Variants in DCC observed in about 807,000 individuals in gnomAD.
DCC encodes the protein netrin receptor DCC.
A neutral mutation model predicts 172.5 loss-of-function variants in DCC; 58 were observed. The ratio of observed to expected loss-of-function variants is 0.34; its 90% CI spans 0.27 to 0.42. The LOEUF is 0.42. DCC is among the 10% of genes least tolerant of loss of function. DCC has a pLI of 1.00. For missense variants in DCC, 1,740 were observed against 1,791.0 expected (o/e 0.97, Z 0.51); for synonymous variants, 709 against 644.5 (o/e 1.10, Z -1.52).
intron 27 of DCC, among the ~76,000 whole-genome samples, chr18:53,501,883 A>AGTT (rs936175401): frequency 3.8e-5 from 4 of 105,716 alleles, no homozygotes; most frequent in Non-Finnish European, 9.3e-5. Context: ...TTTTTTTACT[A>AGTT]GTTATTTTCT....
chr18:53,138,965 T>C (rs1894846490), intron 7 of DCC, among the ~76,000 whole-genome samples: 1 of 152,206 alleles, frequency 6.6e-6, no homozygotes, highest in East Asian at 1.9e-4. Context: ...ATATTCTCTG[T>C]GTTTGTACGT....
chr18:52,725,976 T>C (rs144574609), intron 1 of DCC, among the ~76,000 whole-genome samples: 377 of 152,294 alleles, frequency 2.5e-3, no homozygotes, highest in African/African-American at 8.3e-3. Flanking sequence ...GGAAACAGAA[T>C]GAACTGCTAA....
intron 1 of DCC, among the ~76,000 whole-genome samples, chr18:52,409,570 C>T (rs1275451680): frequency 6.6e-6 from 1 of 152,166 alleles, no homozygotes; most frequent in African/African-American, 2.4e-5. Flanking sequence ...TCCCAACTTA[C>T]ATGCCACTTG....
intron 5 of DCC, among the ~76,000 whole-genome samples, chr18:52,944,484 C>T (rs941642729): frequency 5.3e-5 from 8 of 152,116 alleles, no homozygotes; most frequent in Non-Finnish European, 1.0e-4. Context: ...CCAGAGAAGT[C>T]CCAGTTTTTC....
intron 28 of DCC, among the ~76,000 whole-genome samples, chr18:53,527,779 A>T (rs2046476181): frequency 6.6e-6 from 1 of 152,084 alleles, no homozygotes; most frequent in South Asian, 2.1e-4. Flanking sequence ...TTTATAGTAC[A>T]CTTTAGTTGT....
chr18:53,407,649 A>T (rs1201414972), intron 19 of DCC, among the ~76,000 whole-genome samples: 1 of 149,644 alleles, frequency 6.7e-6, no homozygotes. Context: ...TCTATAACAT[A>T]TTTATCTTAG....
At chr18:53,231,343 A>G (rs137994292) in intron 12 of DCC, among the ~76,000 whole-genome samples, 78 of 152,220 alleles carry the variant, frequency 5.1e-4, no homozygotes, top group African/African-American at 1.7e-3. Context: ...GAAAAGTCAT[A>G]AATGATCATA....
chr18:52,812,829 A>G (rs2038226666), intron 2 of DCC, among the ~76,000 whole-genome samples: 1 of 152,196 alleles, frequency 6.6e-6, no homozygotes. Context: ...CAACTACTGA[A>G]CACTGTTGGG....
chr18:53,131,909 C>G (rs952950939), intron 7 of DCC, among the ~76,000 whole-genome samples: 4 of 146,752 alleles, frequency 2.7e-5, no homozygotes, highest in African/African-American at 1.0e-4. Flanking sequence ...AATTTTACAG[C>G]CTATAATGGC....
At chr18:52,475,434 A>G (rs141574980) in intron 1 of DCC, among the ~76,000 whole-genome samples, 1 of 152,138 alleles carries the variant, frequency 6.6e-6, no homozygotes, top group African/African-American at 2.4e-5. Flanking sequence ...AAAAAATGTG[A>G]TATTTATTGC....
intron 7 of DCC, among the ~76,000 whole-genome samples, chr18:53,138,550 T>C (rs2043781532): frequency 6.6e-6 from 1 of 152,254 alleles, no homozygotes; most frequent in Non-Finnish European, 1.5e-5. Flanking sequence ...TTGTACAATA[T>C]ATCATTCTAC....
chr18:53,186,019 C>T (rs944902285), intron 9 of DCC, among the ~76,000 whole-genome samples: 3 of 152,142 alleles, frequency 2.0e-5, no homozygotes, highest in African/African-American at 7.2e-5. Flanking sequence ...AAGGACATAG[C>T]TTACTAGTTG....
chr18:53,440,627 C>T (rs1382404285), intron 22 of DCC, among the ~76,000 whole-genome samples: 1 of 151,962 alleles, frequency 6.6e-6, no homozygotes, highest in Non-Finnish European at 1.5e-5. Flanking sequence ...CAATGCTACA[C>T]TCAGCAGAAA....
chr18:53,319,262 A>G (rs1452310845), intron 13 of DCC, among the ~76,000 whole-genome samples: 1 of 152,220 alleles, frequency 6.6e-6, no homozygotes, highest in African/African-American at 2.4e-5. Flanking sequence ...ACACATAATA[A>G]TATTAACCTT....
chr18:52,796,566 T>G (rs1301516003), intron 2 of DCC, among the ~76,000 whole-genome samples: 1 of 152,162 alleles, frequency 6.6e-6, no homozygotes, highest in Non-Finnish European at 1.5e-5. Context: ...TCCTTCATTT[T>G]TGAAAGATAC....
At chr18:53,496,490 C>T (rs1441525873) in intron 26 of DCC, among the ~76,000 whole-genome samples, 1 of 152,154 alleles carries the variant, frequency 6.6e-6, no homozygotes, top group African/African-American at 2.4e-5. Flanking sequence ...GTAGATAAAT[C>T]CACGAAGATT....
intron 11 of DCC, among the ~76,000 whole-genome samples, chr18:53,213,415 C>T (rs1000881994): frequency 1.3e-5 from 2 of 151,738 alleles, no homozygotes; most frequent in Non-Finnish European, 2.9e-5. Flanking sequence ...TTTGGGAGGC[C>T]GAGGCGGGTG....
intron 1 of DCC, among the ~76,000 whole-genome samples, chr18:52,377,679 A>G (rs896158014): frequency 2.0e-5 from 3 of 151,438 alleles, no homozygotes; most frequent in African/African-American, 4.9e-5. Flanking sequence ...AACAACAGAA[A>G]AAAAAAACTA....
At chr18:52,944,820 T>A (rs1312005912) in intron 5 of DCC, among the ~76,000 whole-genome samples, 1 of 152,186 alleles carries the variant, frequency 6.6e-6, no homozygotes, top group East Asian at 1.9e-4. Flanking sequence ...ATCAACAACT[T>A]CATCTCCCAC....
Sources: gnomAD v4.1 joint callset for allele counts (sites outside exome capture counted in the v4.1 genomes callset) on GRCh38, gnomAD v4.1.1 for gene constraint, MANE v1.5 for transcripts, NCBI Gene and HGNC (gene_info 2026-07-23, HGNC 2026-07-21) for gene names.